The following KDM4B variants were observed in gnomAD, a reference collection of about 807,000 sequenced individuals.
The protein encoded by KDM4B is lysine demethylase 4B.
A neutral mutation model predicts 125.2 loss-of-function variants in KDM4B; 32 were observed. That is an observed-to-expected ratio of 0.26 (90% CI 0.19 to 0.34). The LOEUF is 0.34. KDM4B is among the 10% of genes least tolerant of loss of function. KDM4B has a pLI of 1.00. For missense variants in KDM4B, 1,190 were observed against 1,577.7 expected, an observed-to-expected ratio of 0.75 and a Z score of 4.16; for synonymous variants, 721 against 677.9, an observed-to-expected ratio of 1.06 and a Z score of -0.99.
chr19:5,052,908 C>G (rs2037277489), intron 6 of KDM4B, among the ~76,000 whole-genome samples: 1 of 152,220 alleles, frequency 6.6e-6, no homozygotes, highest in Non-Finnish European at 1.5e-5. Flanking sequence ...CAGTGGGGAC[C>G]TAGGGTCCCA....
intron 5 of KDM4B, among the ~76,000 whole-genome samples, chr19:5,043,596 TCCA>T (rs1292337852): frequency 4.2e-5 from 6 of 142,722 alleles, no homozygotes; most frequent in Non-Finnish European, 9.0e-5. Context: ...AGTGGGGGTG[TCCA>T]CCATATCCTG....
intron 11 of KDM4B, among the ~76,000 whole-genome samples, chr19:5,129,394 G>A (rs1036714808): frequency 2.6e-5 from 4 of 152,140 alleles, no homozygotes; most frequent in Non-Finnish European, 4.4e-5. Flanking sequence ...GGGTCTCAGC[G>A]CTTACCACTG....
At chr19:5,071,296 C>G (rs909128263) in intron 7 of KDM4B, among the ~76,000 whole-genome samples, 3 of 152,270 alleles carry the variant, frequency 2.0e-5, no homozygotes, top group Non-Finnish European at 2.9e-5. Context: ...ACAGAATGCC[C>G]AGACGCTCCT....
chr19:5,007,691 G>A (rs1466217674), intron 1 of KDM4B, among the ~76,000 whole-genome samples: 5 of 151,742 alleles, frequency 3.3e-5, no homozygotes, highest in Non-Finnish European at 4.4e-5. Flanking sequence ...GACTGCAGGT[G>A]TGCACCACAA....
chr19:4,991,375 A>T (rs1182128025), intron 1 of KDM4B, among the ~76,000 whole-genome samples: 1 of 151,984 alleles, frequency 6.6e-6, no homozygotes, highest in Non-Finnish European at 1.5e-5. Flanking sequence ...GCACTTTGGG[A>T]GGCAGAGGTG....
chr19:5,099,360 C>G (rs2038887986), intron 9 of KDM4B, among the ~76,000 whole-genome samples: 1 of 152,172 alleles, frequency 6.6e-6, no homozygotes, highest in Admixed American at 6.5e-5. Context: ...CACCATCACC[C>G]CCAGACCCAG....
rs185117638 is a variant in KDM4B, at chr19:5,058,020, G to T, written c.626+10351G>T. On this transcript the variant is annotated intron_variant, in intron 6 of 22. Transcript: ENST00000159111. The stretch of plus-strand genomic sequence containing the variant: ...GCTGCTTAGGGGGCCATGTCTGAGG[G>T]CAGGGCCCACCACTTCTGCCCACAC... Among the ~76,000 whole-genome samples, 16 of 152,334 alleles carry T rather than the reference G, an allele frequency of 1.1e-4. No individual in the cohort carries two copies. The East Asian group carries it at 2.9e-3, about 28-fold the overall frequency.
At chr19:5,047,337 C>T in intron 5 of KDM4B, 139 bp from the exon 6 acceptor site, 2 of 739,608 alleles carry the variant, frequency 2.7e-6, no homozygotes, top group Non-Finnish European at 4.4e-6. Context: ...TGACCGGCCC[C>T]TGGGGGGGCC....
intron 9 of KDM4B, among the ~76,000 whole-genome samples, chr19:5,091,078 G>A (rs550484539): frequency 5.3e-5 from 8 of 152,322 alleles, no homozygotes; most frequent in South Asian, 2.1e-4. Context: ...AAATGTGCAC[G>A]CAGCCGCCTT....
rs546311047 is a variant in KDM4B, at chr19:5,025,438, G to A, written c.-25-7428G>A. Among the ~76,000 whole-genome samples the A allele has an allele frequency of 3.3e-5, 5 of 152,352 alleles. No homozygotes were observed. The South Asian group carries it at 1.0e-3, about 32-fold the overall frequency. ...TTAAACTGTGTATCTAACTGAGTGGGGCCTGGGGTACCCATGGGGGTTGCA... is the reference window on the plus strand; with the variant it reads ...TTAAACTGTGTATCTAACTGAGTGGAGCCTGGGGTACCCATGGGGGTTGCA... On this transcript the variant is annotated intron_variant, in intron 2 of 22. Coordinates refer to ENST00000159111, the MANE Select transcript of KDM4B (RefSeq NM_015015.3).
In KDM4B at chr19:4,997,381, G is replaced by A. The variant is rs2035235176; in HGVS notation, c.-108-18876G>A. On this transcript the variant is annotated intron_variant, in intron 1 of 22. Transcript: ENST00000159111. The surrounding 1 kb of genome is among the most constrained non-coding windows in gnomAD (Gnocchi z 4.2). ...AGGAGTCCAGGAGCGTCGGCCCCTG[G>A]CTTCCACTGTGTCCTTCTGTGGTTC... Among the ~76,000 whole-genome samples, 1 of 152,088 alleles carries A rather than the reference G, an allele frequency of 6.6e-6. No individual in the cohort carries two copies. Among genetic ancestry groups the A allele is most frequent in the African/African-American group, 2.4e-5 (1 of 41,402 alleles).
At chr19:5,045,741 G>A (rs895713115) in intron 5 of KDM4B, among the ~76,000 whole-genome samples, 1 of 152,024 alleles carries the variant, frequency 6.6e-6, no homozygotes, top group Non-Finnish European at 1.5e-5. Context: ...CCAAAGTGCC[G>A]GGATTTACAG....
intron 3 of KDM4B, among the ~76,000 whole-genome samples, chr19:5,039,282 GA>G (rs1398100583): frequency 6.6e-6 from 1 of 152,172 alleles, no homozygotes; most frequent in East Asian, 1.9e-4. Flanking sequence ...CATCTCTAGA[GA>G]AAATTAAAAT....
At chr19:5,034,933 C>T (rs1212837868) in intron 3 of KDM4B, among the ~76,000 whole-genome samples, 1 of 152,214 alleles carries the variant, frequency 6.6e-6, no homozygotes, top group Non-Finnish European at 1.5e-5. Context: ...CTCAAGCAGT[C>T]CTCCAGCCTC....
intron 1 of KDM4B, among the ~76,000 whole-genome samples, chr19:4,987,905 G>A (rs781329187): frequency 1.3e-5 from 2 of 152,328 alleles, no homozygotes; most frequent in Admixed American, 6.5e-5. Flanking sequence ...GGCCTGGCTG[G>A]TGGGTTGAAT....
At chr19:5,088,666 C>CT (rs1033974783) in intron 9 of KDM4B, among the ~76,000 whole-genome samples, 4 of 42,480 alleles carry the variant, frequency 9.4e-5, no homozygotes, top group African/African-American at 3.4e-4. Flanking sequence ...CCCCCCCCCT[C>CT]CCCCCCCCCG....
At chr19:5,132,688 C>G (rs1400231799) in intron 13 of KDM4B, among the ~76,000 whole-genome samples, 1 of 151,714 alleles carries the variant, frequency 6.6e-6, no homozygotes, top group Non-Finnish European at 1.5e-5. Flanking sequence ...GGTATCCTTC[C>G]AGAAGGCATC....
Position 5,119,749 on chromosome 19 carries a change from T to A in KDM4B, c.1212T>A (p.Ala404=), listed in dbSNP as rs772989970. 1.9e-6 allele frequency: 3 copies of A among 1,548,786 alleles called. No individual in the cohort carries two copies. The highest frequency in any genetic ancestry group is 1.4e-5 in the African/African-American group (1 of 72,942). Reference sequence around the variant, plus strand: ...CTGGGGCAGCGCTCCTAGAGGAGGCTGGGGGCAGCGTGAAGGAGGAGGCTG... The same window carrying A: ...CTGGGGCAGCGCTCCTAGAGGAGGCAGGGGGCAGCGTGAAGGAGGAGGCTG... The part of the protein sequence containing the change: ...GTAGAALLEE[A]GGSVKEEAGP... The change falls in exon 11 of 23, where the codon GCT becomes GCA. Residue 404 remains alanine (A), a synonymous_variant. Transcript: ENST00000159111.
At chr19:5,129,041 G>T (rs2620844) in intron 11 of KDM4B, among the ~76,000 whole-genome samples, 41,141 of 152,104 alleles carry the variant, frequency 0.27, 5,685 homozygotes, top group East Asian at 0.43. Flanking sequence ...AGGGGTGGGG[G>T]CCAGGGCAGT....
Sources: gnomAD v4.1 joint callset for allele counts (sites outside exome capture counted in the v4.1 genomes callset) on GRCh38, gnomAD v4.1.1 for gene constraint, Gnocchi (gnomAD v3.1) non-coding constraint, MANE v1.5 for transcripts, NCBI Gene and HGNC (gene_info 2026-07-23, HGNC 2026-07-21) for gene names.